The following TRPM3 variants were observed in gnomAD, a reference collection of about 807,000 sequenced individuals.
TRPM3 encodes the protein transient receptor potential cation channel subfamily M member 3.
In TRPM3, 77 loss-of-function variants were observed where a neutral mutation model predicts 181.2. The observed-to-expected ratio is 0.42, with a 90% CI of 0.35 to 0.51. The LOEUF is 0.51. Ranked by LOEUF, TRPM3 falls within the 20% of genes least tolerant of loss-of-function variation. The pLI is 0.01. For missense variants in TRPM3, 1,759 were observed against 2,196.7 expected, an observed-to-expected ratio of 0.80 and a Z score of 3.98; for synonymous variants, 745 against 796.4, an observed-to-expected ratio of 0.94 and a Z score of 1.09.
At chr9:71,101,096 C>T (rs367620501) in intron 1 of TRPM3, among the ~76,000 whole-genome samples, 150 of 152,260 alleles carry the variant, frequency 9.9e-4, no homozygotes, top group African/African-American at 2.8e-3. Context: ...CTCTCCTCCA[C>T]TGCTTATTCT....
chr9:70,589,852 G>A (rs964677868), intron 22 of TRPM3, among the ~76,000 whole-genome samples: 4 of 152,148 alleles, frequency 2.6e-5, no homozygotes, highest in Admixed American at 2.0e-4. Flanking sequence ...TGTTGCCAAC[G>A]TACACATCCT....
chr9:70,806,341 T>C (rs1369991542), intron 6 of TRPM3, among the ~76,000 whole-genome samples: 2 of 152,184 alleles, frequency 1.3e-5, no homozygotes, highest in African/African-American at 4.8e-5. Flanking sequence ...AAATCTCTGT[T>C]TTCCTCATTT....
In TRPM3 at chr9:70,846,394, A is replaced by C; in HGVS notation, c.660T>G (p.Thr220=). The change falls in exon 4 of 26, where the codon ACT becomes ACG. Residue 220 remains threonine (T), a synonymous_variant. Coordinates refer to ENST00000677713, the MANE Select transcript of TRPM3 (RefSeq NM_001366145.2). ...TGCAATTACCTGTGTTAACCCCTCC[A>C]GTGAATATCCACGCTCCAGTTGTCA... is the stretch of plus-strand genomic sequence containing the variant. ...AAMTTGAWIF[T]GGVNTGVIRH... is the part of the protein sequence containing the mutation. 2.5e-6 allele frequency: 4 copies of C among 1,614,100 alleles called. No individual in the cohort carries two copies. Among genetic ancestry groups the C allele is most frequent in the Non-Finnish European group, 3.4e-6 (4 of 1,179,964 alleles).
chr9:71,112,468 GA>G (rs1371859550), intron 1 of TRPM3, among the ~76,000 whole-genome samples: 1 of 152,042 alleles, frequency 6.6e-6, no homozygotes, highest in Non-Finnish European at 1.5e-5. Flanking sequence ...GGGAATCGAT[GA>G]ACTAAATCAT....
intron 1 of TRPM3, among the ~76,000 whole-genome samples, chr9:71,402,014 T>A (rs1268088413): frequency 6.6e-6 from 1 of 152,220 alleles, no homozygotes; most frequent in Non-Finnish European, 1.5e-5. Context: ...AATTGATGGC[T>A]GGTTTTTGTA....
chr9:71,209,449 T>C (rs1375895424), intron 1 of TRPM3, among the ~76,000 whole-genome samples: 1 of 151,972 alleles, frequency 6.6e-6, no homozygotes, highest in Non-Finnish European at 1.5e-5. Context: ...ATCAAATTAA[T>C]TGGACCAAAA....
chr9:71,265,010 A>C (rs1187081684), intron 1 of TRPM3, among the ~76,000 whole-genome samples: 1 of 152,194 alleles, frequency 6.6e-6, no homozygotes, highest in Non-Finnish European at 1.5e-5. Flanking sequence ...AAATGTATTT[A>C]ATTTGGATGA....
chr9:71,134,550 CAAAAA>C (rs71352343), intron 1 of TRPM3, among the ~76,000 whole-genome samples: 1 of 120,814 alleles, frequency 8.3e-6, no homozygotes, highest in Non-Finnish European at 1.7e-5. Context: ...TGCTCCATCT[CAAAAA>C]AAAAAAAAAA....
At chr9:71,266,330 G>A (rs2083390012) in intron 1 of TRPM3, among the ~76,000 whole-genome samples, 1 of 151,906 alleles carries the variant, frequency 6.6e-6, no homozygotes, top group Non-Finnish European at 1.5e-5. Context: ...TTTATATCAT[G>A]AGGGAGTGGC....
chr9:70,936,639 T>G (rs1174595452), intron 1 of TRPM3, among the ~76,000 whole-genome samples: 3 of 152,194 alleles, frequency 2.0e-5, no homozygotes, highest in Non-Finnish European at 4.4e-5. Flanking sequence ...AAAGCTACAG[T>G]CTTTATCTCT....
intron 1 of TRPM3, among the ~76,000 whole-genome samples, chr9:71,403,383 C>T (rs1189764215): frequency 2.0e-5 from 3 of 152,148 alleles, no homozygotes; most frequent in Non-Finnish European, 2.9e-5. Flanking sequence ...GATTTAGAAA[C>T]TGAGTTTGTC....
intron 8 of TRPM3, among the ~76,000 whole-genome samples, chr9:70,747,337 T>A (rs1480024021): frequency 2.0e-5 from 3 of 151,988 alleles, no homozygotes; most frequent in Non-Finnish European, 4.4e-5. Flanking sequence ...TGTGCACGGG[T>A]TTGGTAATTG....
intron 1 of TRPM3, among the ~76,000 whole-genome samples, chr9:71,155,521 A>ATTTTATTTTAT (rs1460387705): frequency 3.6e-5 from 5 of 140,714 alleles, no homozygotes; most frequent in East Asian, 2.0e-4. Flanking sequence ...ATTTTATTTT[A>ATTTTATTTTAT]TTTTTGCATA....
intron 1 of TRPM3, among the ~76,000 whole-genome samples, chr9:71,022,802 T>C (rs1454748481): frequency 6.6e-6 from 1 of 152,130 alleles, no homozygotes; most frequent in East Asian, 1.9e-4. Context: ...TACCTGTACG[T>C]TCTGCACATG....
chr9:70,880,676 T>C (rs1367794189), intron 1 of TRPM3, among the ~76,000 whole-genome samples: 2 of 152,126 alleles, frequency 1.3e-5, no homozygotes, highest in African/African-American at 4.8e-5. Context: ...TATGGCTCTC[T>C]TTGTGTTCTT....
chr9:71,444,038 G>A (rs1444723442), intron 1 of TRPM3, among the ~76,000 whole-genome samples: 2 of 152,042 alleles, frequency 1.3e-5, no homozygotes, highest in African/African-American at 2.4e-5. Context: ...AATTAGCTGG[G>A]TGTGGTGGTG....
At chr9:71,089,299 G>C (rs1486826945) in intron 1 of TRPM3, among the ~76,000 whole-genome samples, 2 of 150,786 alleles carry the variant, frequency 1.3e-5, no homozygotes, top group African/African-American at 4.9e-5. Context: ...TTGCAAAAGT[G>C]TTTTATAAGC....
chr9:70,558,082 A>C (rs2048170290), intron 22 of TRPM3, among the ~76,000 whole-genome samples: 1 of 152,176 alleles, frequency 6.6e-6, no homozygotes, highest in Non-Finnish European at 1.5e-5. Flanking sequence ...ACACCTGATC[A>C]ATCAGCTCAA....
intron 1 of TRPM3, among the ~76,000 whole-genome samples, chr9:71,192,299 A>C (rs1034510313): frequency 6.6e-6 from 1 of 151,806 alleles, no homozygotes. Context: ...AAATCATGAG[A>C]ATTATGAAAA....
Sources: allele counts gnomAD v4.1 joint callset (sites outside exome capture counted in the v4.1 genomes callset), GRCh38; gene constraint gnomAD v4.1.1; transcripts MANE v1.5; gene names NCBI Gene and HGNC (gene_info 2026-07-23, HGNC 2026-07-21).